Variants in KCTD16 observed in about 807,000 individuals in gnomAD.
The protein encoded by KCTD16 is BTB/POZ domain-containing protein KCTD16.
Under a neutral mutation model 33.2 loss-of-function variants are expected in KCTD16, and 13 were observed. The ratio of observed to expected loss-of-function variants is 0.39; its 90% CI spans 0.25 to 0.62. KCTD16 has a LOEUF of 0.62. Ranked by LOEUF, KCTD16 falls within the 20% of genes least tolerant of loss-of-function variation. The pLI is 0.50. For missense variants in KCTD16, 441 were observed against 525.1 expected (o/e 0.84, Z 1.57); for synonymous variants, 197 against 195.3 (o/e 1.01, Z -0.07).
At chr5:144,261,366 A>T (rs1217321255) in intron 3 of KCTD16, among the ~76,000 whole-genome samples, 1 of 152,134 alleles carries the variant, frequency 6.6e-6, no homozygotes, top group East Asian at 1.9e-4. Flanking sequence ...TTCTTAGAAG[A>T]TTAATTTGAA....
intron 3 of KCTD16, among the ~76,000 whole-genome samples, chr5:144,340,980 G>C (rs921164710): frequency 1.3e-5 from 2 of 152,106 alleles, no homozygotes; most frequent in African/African-American, 4.8e-5. Flanking sequence ...AGGAGGTAGA[G>C]GTTGCAGTGA....
intron 3 of KCTD16, among the ~76,000 whole-genome samples, chr5:144,274,010 A>C (rs904996935): frequency 2.0e-5 from 3 of 150,022 alleles, no homozygotes. Context: ...ATGTGTATTA[A>C]AATATACATA....
At chr5:144,219,577 A>G (rs1331952007) in intron 3 of KCTD16, among the ~76,000 whole-genome samples, 1 of 135,918 alleles carries the variant, frequency 7.4e-6, no homozygotes, top group Non-Finnish European at 1.5e-5. Flanking sequence ...CTGGAGTGCA[A>G]TGGCGCGATC....
At chr5:144,189,702 A>G (rs766809289) in intron 2 of KCTD16, among the ~76,000 whole-genome samples, 11 of 152,166 alleles carry the variant, frequency 7.2e-5, no homozygotes, top group Non-Finnish European at 1.3e-4. Flanking sequence ...GCCACCTTGT[A>G]TCACAATACA....
intron 3 of KCTD16, among the ~76,000 whole-genome samples, chr5:144,221,268 T>G (rs1027087906): frequency 3.9e-5 from 6 of 152,070 alleles, no homozygotes; most frequent in African/African-American, 1.4e-4. Context: ...AAATCTGCTT[T>G]AGTATTATTA....
At chr5:144,294,016 A>G (rs1052625900) in intron 3 of KCTD16, among the ~76,000 whole-genome samples, 2 of 152,068 alleles carry the variant, frequency 1.3e-5, no homozygotes, top group African/African-American at 4.8e-5. Flanking sequence ...AAAACTAGCC[A>G]GGTGTGGTGG....
intron 3 of KCTD16, among the ~76,000 whole-genome samples, chr5:144,215,803 T>C (rs1399480458): frequency 6.6e-6 from 1 of 152,248 alleles, no homozygotes; most frequent in African/African-American, 2.4e-5. Flanking sequence ...CATATATGAT[T>C]CTTTCTAATA....
At chr5:144,215,155 T>G (rs768224290) in intron 3 of KCTD16, among the ~76,000 whole-genome samples, 29 of 152,196 alleles carry the variant, frequency 1.9e-4, no homozygotes, top group Non-Finnish European at 3.7e-4. Flanking sequence ...TGAAAGGTGC[T>G]CTACTCTTCG....
intron 3 of KCTD16, among the ~76,000 whole-genome samples, chr5:144,251,079 C>T (rs1349054362): frequency 6.6e-6 from 1 of 152,044 alleles, no homozygotes; most frequent in African/African-American, 2.4e-5. Flanking sequence ...GGGGAAGTGG[C>T]CAGTCTCAGT....
chr5:144,213,269 T>C (rs1183247168), intron 3 of KCTD16, among the ~76,000 whole-genome samples: 1 of 152,118 alleles, frequency 6.6e-6, no homozygotes, highest in Admixed American at 6.5e-5. Context: ...ATAACTTATA[T>C]GCAACAAAGT....
At position 144,479,546 on chromosome 5, in the gene KCTD16, A is replaced by G. The variant is rs1754664400; in HGVS notation, c.*5432A>G. 1 of 151,886 alleles carries G rather than the reference A, an allele frequency of 6.6e-6. No individual in the cohort carries two copies. Among genetic ancestry groups the G allele is most frequent in the Non-Finnish European group, 1.5e-5 (1 of 67,924 alleles). The allele number at this position is 151,886 out of a possible 1,614,324, so 9.4% of individuals were successfully genotyped here. On this transcript the variant is annotated 3_prime_UTR_variant, in exon 4 of 4. Coordinates refer to ENST00000512467, the MANE Select transcript of KCTD16 (RefSeq NM_020768.4). ...CATGATCATGAGTGAATATTTGAGT[A>G]AATATTGCCAAAGGAAAGTGAAGGA...
At chr5:144,229,635 C>T (rs1754038737) in intron 3 of KCTD16, among the ~76,000 whole-genome samples, 1 of 152,124 alleles carries the variant, frequency 6.6e-6, no homozygotes, top group South Asian at 2.1e-4. Context: ...AGTCCAAGGT[C>T]CCCAAGCTAG....
intron 2 of KCTD16, among the ~76,000 whole-genome samples, chr5:144,198,054 AG>A (rs1752971200): frequency 6.6e-6 from 1 of 152,136 alleles, no homozygotes; most frequent in African/African-American, 2.4e-5. Flanking sequence ...GGGTTAAGAG[AG>A]GGTGGTTTTC....
intron 3 of KCTD16, among the ~76,000 whole-genome samples, chr5:144,411,214 C>G (rs555557334): frequency 3.9e-5 from 6 of 152,178 alleles, no homozygotes; most frequent in African/African-American, 1.4e-4. Context: ...CACAAAAGTC[C>G]TTGAATAGCC....
chr5:144,265,583 A>G (rs1348738555), intron 3 of KCTD16, among the ~76,000 whole-genome samples: 1 of 152,240 alleles, frequency 6.6e-6, no homozygotes, highest in Non-Finnish European at 1.5e-5. Context: ...ATCTCCAAGA[A>G]GACTAGGAAT....
At chr5:144,445,686 G>T (rs998217166) in intron 3 of KCTD16, among the ~76,000 whole-genome samples, 2 of 151,698 alleles carry the variant, frequency 1.3e-5, no homozygotes, top group Non-Finnish European at 2.9e-5. Context: ...ATAGTTGCTT[G>T]CTTCCTGAGA....
intron 3 of KCTD16, among the ~76,000 whole-genome samples, chr5:144,317,125 C>A (rs1433900508): frequency 6.6e-6 from 1 of 152,060 alleles, no homozygotes; most frequent in African/African-American, 2.4e-5. Context: ...CAAGCCCGGC[C>A]CGGCCAGCAT....
At chr5:144,181,692 C>G (rs1317590854) in intron 2 of KCTD16, among the ~76,000 whole-genome samples, 1 of 152,182 alleles carries the variant, frequency 6.6e-6, no homozygotes, top group East Asian at 1.9e-4. Context: ...TAGGAAAATA[C>G]TGCATGATTT....
At chr5:144,353,381 G>C (rs1051953613) in intron 3 of KCTD16, among the ~76,000 whole-genome samples, 4 of 152,196 alleles carry the variant, frequency 2.6e-5, no homozygotes, top group African/African-American at 4.8e-5. Context: ...AAGCAGTACA[G>C]TGGTTAAAGA....
Sources: gnomAD v4.1 joint callset for allele counts (sites outside exome capture counted in the v4.1 genomes callset) on GRCh38, gnomAD v4.1.1 for gene constraint, MANE v1.5 for transcripts, NCBI Gene and HGNC (gene_info 2026-07-23, HGNC 2026-07-21) for gene names.